Variants in PTPRG observed in about 807,000 individuals in gnomAD.
The protein encoded by PTPRG is protein tyrosine phosphatase receptor type G.
PTPRG carries 102 observed loss-of-function variants against 165.3 expected under a neutral mutation model. The observed-to-expected ratio is 0.62, with a 90% CI of 0.53 to 0.73. PTPRG has a LOEUF of 0.73. Ranked by LOEUF, PTPRG falls within the 30% of genes least tolerant of loss-of-function variation. PTPRG has a pLI of 0.00. For missense variants in PTPRG, 1,866 were observed against 1,861.4 expected (o/e 1.00, Z -0.05); for synonymous variants, 675 against 669.5 (o/e 1.01, Z -0.13).
chr3:61,665,369 T>TA (rs1453438564), intron 1 of PTPRG, among the ~76,000 whole-genome samples: 1 of 152,106 alleles, frequency 6.6e-6, no homozygotes, highest in Non-Finnish European at 1.5e-5. Context: ...TTTATAGCGA[T>TA]ATGGCAATGT....
intron 1 of PTPRG, among the ~76,000 whole-genome samples, chr3:61,693,818 C>T (rs1189547675): frequency 6.6e-6 from 1 of 151,906 alleles, no homozygotes; most frequent in Non-Finnish European, 1.5e-5. Context: ...CCATCCTGGG[C>T]AACACAGTGA....
chr3:61,598,231 C>T (rs1460271881), intron 1 of PTPRG, among the ~76,000 whole-genome samples: 1 of 152,188 alleles, frequency 6.6e-6, no homozygotes, highest in Non-Finnish European at 1.5e-5. Flanking sequence ...AGCCATTAAG[C>T]AGCTCACTGT....
intron 1 of PTPRG, among the ~76,000 whole-genome samples, chr3:61,712,379 A>C (rs2031608690): frequency 6.6e-6 from 1 of 152,056 alleles, no homozygotes; most frequent in Admixed American, 6.5e-5. Context: ...AAGTTCCTAA[A>C]CATCCATATC....
In PTPRG at chr3:61,700,774, A is replaced by G. The variant is rs541728205; in HGVS notation, c.86-48104A>G. Among the ~76,000 whole-genome samples the G allele has an allele frequency of 2.0e-5, 3 of 152,270 alleles. No individual in the cohort carries two copies. In the South Asian group the frequency reaches 6.2e-4, roughly 32 times the overall value. ...AAGGAAAAATTCCCCTATTTTTTTC[A>G]CACTCATGTTCAGCTCTGTCATTTT... On this transcript the variant is annotated intron_variant, in intron 1 of 29. Coordinates refer to ENST00000474889, the MANE Select transcript of PTPRG (RefSeq NM_002841.4).
At chr3:61,874,090 C>T (rs2037658057) in intron 2 of PTPRG, among the ~76,000 whole-genome samples, 1 of 152,192 alleles carries the variant, frequency 6.6e-6, no homozygotes, top group Non-Finnish European at 1.5e-5. Flanking sequence ...ACACTCAAAT[C>T]AGACTCTCAG....
chr3:61,877,165 A>C (rs2037764232), intron 2 of PTPRG, among the ~76,000 whole-genome samples: 1 of 152,170 alleles, frequency 6.6e-6, no homozygotes. Flanking sequence ...TTTGCATTTT[A>C]ATTTGCAGGG....
chr3:62,099,363 A>G (rs1702213478), intron 5 of PTPRG, among the ~76,000 whole-genome samples: 2 of 152,230 alleles, frequency 1.3e-5, no homozygotes, highest in Non-Finnish European at 2.9e-5. Context: ...TTTAGGCCTG[A>G]AAATTAATTC....
At position 61,935,679 on chromosome 3, in the gene PTPRG, G is replaced by A. The variant is rs528275477; in HGVS notation, c.191-53946G>A. Among the ~76,000 whole-genome samples, 15 of 147,586 alleles carry A rather than the reference G, an allele frequency of 1.0e-4. No homozygotes were observed. The East Asian group carries it at 2.5e-3, about 25-fold the overall frequency. ...TTTTTTTAATCGTATTCTTATTCTC[G>A]GAGTCCCTTACCTTTTTTTTTTTTT... On this transcript the variant is annotated intron_variant, in intron 2 of 29. Transcript: ENST00000474889.
At chr3:61,865,804 C>T (rs2037390177) in intron 2 of PTPRG, among the ~76,000 whole-genome samples, 2 of 152,200 alleles carry the variant, frequency 1.3e-5, no homozygotes, top group Admixed American at 1.3e-4. Context: ...CCGGAGCAAC[C>T]CCAGAAGGCC....
intron 1 of PTPRG, among the ~76,000 whole-genome samples, chr3:61,677,030 AG>A (rs1224164872): frequency 6.6e-6 from 1 of 152,024 alleles, no homozygotes. Context: ...GTGGATCACA[AG>A]GTTAGGAGTT....
At chr3:61,840,793 T>G (rs1026917716) in intron 2 of PTPRG, among the ~76,000 whole-genome samples, 122 of 147,660 alleles carry the variant, frequency 8.3e-4, no homozygotes, top group Middle Eastern at 3.4e-3. Context: ...TTTTTTTTTT[T>G]TTTTTTTTGA....
At chr3:61,815,241 A>T (rs1347215802) in intron 2 of PTPRG, among the ~76,000 whole-genome samples, 1 of 110,146 alleles carries the variant, frequency 9.1e-6, no homozygotes, top group Non-Finnish European at 1.7e-5. Flanking sequence ...TACTAAAAAT[A>T]CAAAAAAAAA....
chr3:61,827,747 T>C (rs1045007082), intron 2 of PTPRG, among the ~76,000 whole-genome samples: 1 of 152,216 alleles, frequency 6.6e-6, no homozygotes, highest in Non-Finnish European at 1.5e-5. Context: ...CATTTTAATA[T>C]CAAGTAGATA....
intron 1 of PTPRG, among the ~76,000 whole-genome samples, chr3:61,698,822 T>C (rs1046448564): frequency 4.6e-5 from 7 of 152,198 alleles, no homozygotes; most frequent in South Asian, 4.1e-4. Flanking sequence ...ATATACACCA[T>C]GGAATACTAT....
At chr3:61,723,665 C>A (rs927851694) in intron 1 of PTPRG, among the ~76,000 whole-genome samples, 1 of 152,124 alleles carries the variant, frequency 6.6e-6, no homozygotes, top group Non-Finnish European at 1.5e-5. Flanking sequence ...CCATATACCC[C>A]CTTTTTTTGT....
At chr3:62,201,467 A>T in intron 10 of PTPRG, 38 bp from the exon 11 acceptor site, 1 of 1,553,242 alleles carries the variant, frequency 6.4e-7, no homozygotes, top group Non-Finnish European at 8.8e-7. Context: ...GCCACAAAAA[A>T]AGTTATATTG....
chr3:61,626,571 C>T (rs4390920), intron 1 of PTPRG, among the ~76,000 whole-genome samples: 4,529 of 152,238 alleles, frequency 0.03, 227 homozygotes, highest in African/African-American at 0.1. Context: ...GATGACATTG[C>T]GGTTAGCACT....
rs72887866 is a variant in PTPRG at position 62,045,402 on chromosome 3, C to T, written c.520-32761C>T. ...CAAAGCTGGTGTCGAGTTAGCTGTA[C>T]CGCCCTTAGCCAAGAAACAGAGAAG... On this transcript the variant is annotated intron_variant, in intron 4 of 29. Transcript: ENST00000474889. Among the ~76,000 whole-genome samples, 1,196 of 152,232 alleles carry T rather than the reference C, an allele frequency of 7.9e-3. 17 individuals are homozygous for T. The highest frequency in any genetic ancestry group is 0.026 in the African/African-American group (1,069 of 41,530).
intron 2 of PTPRG, among the ~76,000 whole-genome samples, chr3:61,765,532 T>A (rs1374715940): frequency 2.0e-5 from 3 of 152,154 alleles, no homozygotes; most frequent in Non-Finnish European, 2.9e-5. Context: ...TACAGCACCC[T>A]GAGAAAATTT....
Sources: gnomAD v4.1 joint callset for allele counts (sites outside exome capture counted in the v4.1 genomes callset) on GRCh38, gnomAD v4.1.1 for gene constraint, MANE v1.5 for transcripts, NCBI Gene and HGNC (gene_info 2026-07-23, HGNC 2026-07-21) for gene names.